Variants in UBE2M observed in about 807,000 individuals in gnomAD.
UBE2M encodes the protein ubiquitin conjugating enzyme E2 M.
A neutral mutation model predicts 23.5 loss-of-function variants in UBE2M; 2 were observed. The observed-to-expected ratio is 0.09, with a 90% CI of 0.03 to 0.27. The LOEUF is 0.27. Among genes scored for constraint, UBE2M ranks in the 10% least tolerant of loss-of-function variants. UBE2M has a pLI of 1.00. For missense variants in UBE2M, 103 were observed against 232.9 expected (o/e 0.44, Z 3.63); for synonymous variants, 97 against 95.2 (o/e 1.02, Z -0.11).
Position 58,556,974 on chromosome 19 carries a change from G to A in UBE2M, c.205-44C>T. On this transcript the variant is annotated intron_variant, in intron 2 of 5. Transcript: ENST00000253023. This position sits in a 1 kb window ranked among gnomAD's most constrained non-coding sequence, Gnocchi z 4.9. ...GAAGAAAATTTTAGGGTTCCATCCT[G>A]TGGGGCCCGATGGGCAGAACATGTC... 2 of 1,613,962 alleles carry A rather than the reference G, an allele frequency of 1.2e-6. No homozygotes were observed. The highest frequency in any genetic ancestry group is 8.5e-7 in the Non-Finnish European group (1 of 1,179,880).
Position 58,558,388 on chromosome 19 carries a change from G to T in UBE2M, c.-7C>A. Reference sequence around the variant, plus strand: ...GCGAGAACAGCTTGATCATCCTGCCGCCGCCGCCGCCGCTGCCGCCGCCGC... The same window carrying T: ...GCGAGAACAGCTTGATCATCCTGCCTCCGCCGCCGCCGCTGCCGCCGCCGC... On this transcript the variant is annotated 5_prime_UTR_variant, in exon 1 of 6. Transcript: ENST00000253023. This position sits in a 1 kb window ranked among gnomAD's most constrained non-coding sequence, Gnocchi z 4.7. The T allele has an allele frequency of 7.3e-7, 1 of 1,374,624 alleles. No individual in the cohort carries two copies. The highest frequency in any genetic ancestry group is 9.5e-7 in the Non-Finnish European group (1 of 1,050,630). The allele number at this position is 1,374,624 out of a possible 1,614,324, so 85.2% of individuals were successfully genotyped here. A position where few individuals can be genotyped will look rare whatever the true frequency, so the allele number is the denominator to read the frequency against.
chr19:58,556,776 G>A lies in UBE2M; in HGVS notation c.258C>T (p.Tyr86=), dbSNP rs771534592. The A allele has an allele frequency of 3.1e-6, 5 of 1,590,832 alleles. No homozygotes were observed. In the African/African-American group the frequency reaches 5.4e-5, roughly 17 times the overall value. Residue 86 remains tyrosine (Y), a synonymous_variant, in exon 4 of 6, where the codon TAC becomes TAT. Coordinates refer to ENST00000253023, the MANE Select transcript of UBE2M (RefSeq NM_003969.4). This position sits in a 1 kb window ranked among gnomAD's most constrained non-coding sequence, Gnocchi z 4.9. Reference sequence around the variant, plus strand: ...ACTTCACCTTGGGGGGATCATGCGGGTAACCCTGGCCCACCTGGCTCCAGG... The same window carrying A: ...ACTTCACCTTGGGGGGATCATGCGGATAACCCTGGCCCACCTGGCTCCAGG... ...FVFSFKVGQG[Y]PHDPPKVKCE...
At position 58,558,017 on chromosome 19, in the gene UBE2M, G is replaced by A. The variant is rs1216077447; in HGVS notation, c.109+256C>T. Reference sequence around the variant, plus strand: ...CCTCCACTCCACTGCCTGACTCTGAGATTCCGAGTCCCTAGTAGCAGACAC... The same window carrying A: ...CCTCCACTCCACTGCCTGACTCTGAAATTCCGAGTCCCTAGTAGCAGACAC... On this transcript the variant is annotated intron_variant, in intron 1 of 5. Coordinates refer to ENST00000253023, the MANE Select transcript of UBE2M (RefSeq NM_003969.4). This position sits in a 1 kb window ranked among gnomAD's most constrained non-coding sequence, Gnocchi z 4.7. Among the ~76,000 whole-genome samples, 2 of 151,904 alleles carry A rather than the reference G, an allele frequency of 1.3e-5. No individual in the cohort carries two copies. Among genetic ancestry groups the A allele is most frequent in the African/African-American group, 4.8e-5 (2 of 41,322 alleles).
At chr19:58,557,208 G>A in intron 1 of UBE2M, 51 bp from the exon 2 acceptor site, 1 of 1,544,400 alleles carries the variant, frequency 6.5e-7, no homozygotes, top group Non-Finnish European at 8.9e-7. Context: ...GGGGAAGAGA[G>A]AGAGAGAGGG....
chr19:58,556,865 A>G lies in UBE2M; in HGVS notation c.243+27T>C, dbSNP rs1344346865. 6.2e-7 allele frequency: 1 copy of G among 1,613,906 alleles called. No homozygotes were observed. Among genetic ancestry groups the G allele is most frequent in the Admixed American group, 1.7e-5 (1 of 59,984 alleles). On this transcript the variant is annotated intron_variant, in intron 3 of 5. Coordinates refer to ENST00000253023, the MANE Select transcript of UBE2M (RefSeq NM_003969.4). The surrounding 1 kb of genome is among the most constrained non-coding windows in gnomAD (Gnocchi z 4.9). ...CAGCTGCTGCCTCCTCTGTCCAGGG[A>G]GCCATCCCTGCCCGCCTGGGACTCA...
At position 58,557,144 on chromosome 19, in the gene UBE2M, C is replaced by T. The variant is rs999940059; in HGVS notation, c.123G>A (p.Leu41=). The part of the protein sequence containing the change: ...QLRIQKDINE[L]NLPKTCDISF... ...TGATATCACACGTCTTGGGCAGGTT[C>T]AGCTCGTTTATGTCTGGGTTTGGGT... The change falls in exon 2 of 6, where the codon CTG becomes CTA. Residue 41 remains leucine (L), a synonymous_variant. Coordinates refer to ENST00000253023, the MANE Select transcript of UBE2M (RefSeq NM_003969.4). 3 of 1,613,890 alleles carry T rather than the reference C, an allele frequency of 1.9e-6. No individual in the cohort carries two copies. Among genetic ancestry groups the T allele is most frequent in the Non-Finnish European group, 2.5e-6 (3 of 1,179,964 alleles).
Position 58,558,260 on chromosome 19 carries a change from CCT to C in UBE2M, c.109+11_109+12del, listed in dbSNP as rs766877552. ...CCGACCTCCGGCTCCAACCCCATCC[CCT>C]GACCCCCTACCCTTCTGGATCCGCA... On this transcript the variant is annotated intron_variant, in intron 1 of 5. Transcript: ENST00000253023. This position sits in a 1 kb window ranked among gnomAD's most constrained non-coding sequence, Gnocchi z 4.7. The C allele has an allele frequency of 8.1e-6, 13 of 1,599,770 alleles. No individual in the cohort carries two copies. The African/African-American group carries it at 1.5e-4, about 18-fold the overall frequency.
In UBE2M at chr19:58,558,575, G is replaced by T; in HGVS notation, c.-194C>A. The T allele has an allele frequency of 6.2e-6, 1 of 161,424 alleles. No individual in the cohort carries two copies. Among genetic ancestry groups the T allele is most frequent in the Non-Finnish European group, 1.3e-5 (1 of 76,214 alleles). The allele number at this position is 161,424 out of a possible 1,614,324, so 10.0% of individuals were successfully genotyped here. ...CACCGCGCGGCCCGCCTCGGCTCCC[G>T]TAGTCCGGCTCCGGCCTGGCCCAGC... On this transcript the variant is annotated 5_prime_UTR_variant, in exon 1 of 6. Coordinates refer to ENST00000253023, the MANE Select transcript of UBE2M (RefSeq NM_003969.4). This position sits in a 1 kb window ranked among gnomAD's most constrained non-coding sequence, Gnocchi z 4.7.
Position 58,556,175 on chromosome 19 carries a change from T to C in UBE2M, c.466A>G (p.Asn156Asp). Residue 156 changes from asparagine to aspartate, a missense_variant, in exon 6 of 6, where the codon AAC (asparagine) becomes GAC (aspartate). Asn to Asp is a conservative substitution (Grantham distance 23). Coordinates refer to ENST00000253023, the MANE Select transcript of UBE2M (RefSeq NM_003969.4). The surrounding 1 kb of genome is among the most constrained non-coding windows in gnomAD (Gnocchi z 4.9). ...NKEAAEVLQN[N>D]RRLFEQNVQR... Reference sequence around the variant, plus strand: ...ACGTTCTGCTCAAACAGCCGCCGGTTGTTCTGCAGGACCTCTGCGGCCTCC... The same window carrying C: ...ACGTTCTGCTCAAACAGCCGCCGGTCGTTCTGCAGGACCTCTGCGGCCTCC... The C allele has an allele frequency of 6.2e-7, 1 of 1,614,168 alleles. No homozygotes were observed. The highest frequency in any genetic ancestry group is 8.5e-7 in the Non-Finnish European group (1 of 1,180,022).
At position 58,556,947 on chromosome 19, in the gene UBE2M, G is replaced by A. The variant is rs768735393; in HGVS notation, c.205-17C>T. Reference sequence around the variant, plus strand: ...GTAGAAGCCCTGGGAGGAAAAGGGGGAGAAGAAAATTTTAGGGTTCCATCC... The same window carrying A: ...GTAGAAGCCCTGGGAGGAAAAGGGGAAGAAGAAAATTTTAGGGTTCCATCC... On this transcript the variant is annotated splice_polypyrimidine_tract_variant and intron_variant, in intron 2 of 5. Transcript: ENST00000253023. The surrounding 1 kb of genome is among the most constrained non-coding windows in gnomAD (Gnocchi z 4.9). 3.7e-6 allele frequency: 6 copies of A among 1,614,056 alleles called. No individual in the cohort carries two copies. The highest frequency in any genetic ancestry group is 5.1e-6 in the Non-Finnish European group (6 of 1,179,974).
At chr19:58,557,575 A>C (rs1158683149) in intron 1 of UBE2M, among the ~76,000 whole-genome samples, 2 of 147,872 alleles carry the variant, frequency 1.4e-5, no homozygotes, top group African/African-American at 5.0e-5. Flanking sequence ...ACCAACCCTC[A>C]GTCCTCACTG....
rs1301799553 is a variant in UBE2M at position 58,556,271 on chromosome 19, A to T, written c.412-42T>A. 6.2e-7 allele frequency: 1 copy of T among 1,613,760 alleles called. No homozygotes were observed. The highest frequency in any genetic ancestry group is 1.7e-5 in the Admixed American group (1 of 60,000). ...TAGGGGGGGTCAACAGGCCAGAGGGACAGAAGGCCAATCTCCCCAGACCCA... is the reference window on the plus strand; with the variant it reads ...TAGGGGGGGTCAACAGGCCAGAGGGTCAGAAGGCCAATCTCCCCAGACCCA... On this transcript the variant is annotated intron_variant, in intron 5 of 5. Transcript: ENST00000253023. This position sits in a 1 kb window ranked among gnomAD's most constrained non-coding sequence, Gnocchi z 4.9.
At position 58,556,560 on chromosome 19, in the gene UBE2M, G is replaced by A. The variant is rs1482222184; in HGVS notation, c.347+127C>T. ...AGGTCAGGCCATGAGGAAGATGACT[G>A]GGAAATCAAGAAACCACAGACAACA... is the stretch of plus-strand genomic sequence containing the variant. On this transcript the variant is annotated intron_variant, in intron 4 of 5. Coordinates refer to ENST00000253023, the MANE Select transcript of UBE2M (RefSeq NM_003969.4). The surrounding 1 kb of genome is among the most constrained non-coding windows in gnomAD (Gnocchi z 4.9). 4 of 1,094,800 alleles carry A rather than the reference G, an allele frequency of 3.7e-6. No homozygotes were observed. Among genetic ancestry groups the A allele is most frequent in the Non-Finnish European group, 5.2e-6 (4 of 769,590 alleles). The allele number at this position is 1,094,800 out of a possible 1,614,324, so 67.8% of individuals were successfully genotyped here.
rs751899918 is a variant in UBE2M, at chr19:58,556,514, G to C, written c.348-135C>G. The C allele has an allele frequency of 3.6e-6, 4 of 1,120,220 alleles. No homozygotes were observed. The highest frequency in any genetic ancestry group is 1.6e-5 in the African/African-American group (1 of 63,508). 69.4% of individuals were successfully genotyped at this position (1,120,220 alleles called of 1,614,324 possible). A position where few individuals can be genotyped will look rare whatever the true frequency, so the allele number is the denominator to read the frequency against. On this transcript the variant is annotated intron_variant, in intron 4 of 5. Coordinates refer to ENST00000253023, the MANE Select transcript of UBE2M (RefSeq NM_003969.4). This position sits in a 1 kb window ranked among gnomAD's most constrained non-coding sequence, Gnocchi z 4.9. ...GGCTGGGAGGGAGGGTGTGGAGCAG[G>C]ACAGGCCAAGGAGAAAACCAAGGTC... is the stretch of plus-strand genomic sequence containing the variant.
rs773330355 is a variant in UBE2M, at chr19:58,556,047, G to A, written c.*42C>T. On this transcript the variant is annotated 3_prime_UTR_variant, in exon 6 of 6. Transcript: ENST00000253023. The surrounding 1 kb of genome is among the most constrained non-coding windows in gnomAD (Gnocchi z 4.9). The stretch of plus-strand genomic sequence containing the variant: ...CCCCCAATAAATATTTGCAGGGGAT[G>A]CCAGGGCTTGTGGCCGTGGCGGGGG... The A allele has an allele frequency of 6.3e-7, 1 of 1,584,326 alleles. No homozygotes were observed. Among genetic ancestry groups the A allele is most frequent in the Non-Finnish European group, 8.6e-7 (1 of 1,159,826 alleles).
At position 58,558,145 on chromosome 19, in the gene UBE2M, C is replaced by A; in HGVS notation, c.109+128G>T. 1.3e-6 allele frequency: 1 copy of A among 743,870 alleles called. No homozygotes were observed. Among genetic ancestry groups the A allele is most frequent in the Non-Finnish European group, 2.1e-6 (1 of 471,038 alleles). The allele number at this position is 743,870 out of a possible 1,614,324, so 46.1% of individuals were successfully genotyped here. On this transcript the variant is annotated intron_variant, in intron 1 of 5. Coordinates refer to ENST00000253023, the MANE Select transcript of UBE2M (RefSeq NM_003969.4). The surrounding 1 kb of genome is among the most constrained non-coding windows in gnomAD (Gnocchi z 4.7). ...ACCCTCAAGACTTGACCTCCGACCC[C>A]CCCCACGCTCGGGGCCCTTCACCTC...
Position 58,556,496 on chromosome 19 carries a change from AG to A in UBE2M, c.348-118del. ...GAGAGTGAGCATGTGAGAGGCTGGG[AG>A]GGAGGGTGTGGAGCAGGACAGGCCA... On this transcript the variant is annotated intron_variant, in intron 4 of 5. Coordinates refer to ENST00000253023, the MANE Select transcript of UBE2M (RefSeq NM_003969.4). The surrounding 1 kb of genome is among the most constrained non-coding windows in gnomAD (Gnocchi z 4.9). 1 of 1,224,014 alleles carries A rather than the reference AG, an allele frequency of 8.2e-7. No individual in the cohort carries two copies. The highest frequency in any genetic ancestry group is 1.5e-5 in the African/African-American group (1 of 66,378). 75.8% of individuals were successfully genotyped at this position (1,224,014 alleles called of 1,614,324 possible). A position where few individuals can be genotyped will look rare whatever the true frequency, so the allele number is the denominator to read the frequency against.
Position 58,556,484 on chromosome 19 carries a change from T to C in UBE2M, c.348-105A>G. 1 of 1,304,076 alleles carries C rather than the reference T, an allele frequency of 7.7e-7. No individual in the cohort carries two copies. Among genetic ancestry groups the C allele is most frequent in the Non-Finnish European group, 1.1e-6 (1 of 923,512 alleles). The allele number at this position is 1,304,076 out of a possible 1,614,324, so 80.8% of individuals were successfully genotyped here. A position where few individuals can be genotyped will look rare whatever the true frequency, so the allele number is the denominator to read the frequency against. On this transcript the variant is annotated intron_variant, in intron 4 of 5. Coordinates refer to ENST00000253023, the MANE Select transcript of UBE2M (RefSeq NM_003969.4). The surrounding 1 kb of genome is among the most constrained non-coding windows in gnomAD (Gnocchi z 4.9). ...TCCAGGGCATAGGAGAGTGAGCATG[T>C]GAGAGGCTGGGAGGGAGGGTGTGGA...
intron 1 of UBE2M, 56 bp from the exon 2 acceptor site, chr19:58,557,213 A>AGAGG: frequency 1.3e-6 from 2 of 1,540,450 alleles, no homozygotes; most frequent in East Asian, 2.2e-5. Context: ...AGAGAGAGAG[A>AGAGG]GAGGGAGCCA....
Sources: allele counts gnomAD v4.1 joint callset (sites outside exome capture counted in the v4.1 genomes callset), GRCh38; gene constraint gnomAD v4.1.1; non-coding constraint Gnocchi (gnomAD v3.1); transcripts MANE v1.5; gene names NCBI Gene and HGNC (gene_info 2026-07-23, HGNC 2026-07-21).